The following RALYL variants were observed in gnomAD, a reference collection of about 807,000 sequenced individuals.
The protein encoded by RALYL is RALY RNA binding protein like.
In RALYL, 29 loss-of-function variants were observed where a neutral mutation model predicts 35.1. The ratio of observed to expected loss-of-function variants is 0.83; its 90% CI spans 0.61 to 1.13. The LOEUF (loss-of-function observed/expected upper bound fraction) is 1.13. Among genes scored for constraint, RALYL ranks in the 50% most tolerant of loss-of-function variants. The probability of loss-of-function intolerance (pLI) is 0.00; values close to 1 mark genes in which losing one functional copy is unlikely to be tolerated. For synonymous variants in RALYL, 120 were observed against 127.6 expected, an observed-to-expected ratio of 0.94 and a Z score of 0.40; for missense variants, 359 against 360.4, an observed-to-expected ratio of 1.00 and a Z score of 0.03.
At chr8:84,647,379 A>T (rs1827720765) in intron 2 of RALYL, among the ~76,000 whole-genome samples, 1 of 152,022 alleles carries the variant, frequency 6.6e-6, no homozygotes, top group Non-Finnish European at 1.5e-5. Context: ...AGTAAGATGA[A>T]AGGTCAGAGA....
intron 2 of RALYL, among the ~76,000 whole-genome samples, chr8:84,609,430 A>G (rs993894430): frequency 2.0e-5 from 3 of 152,188 alleles, no homozygotes; most frequent in Non-Finnish European, 4.4e-5. Flanking sequence ...AACTCAGTGC[A>G]TGAGAATTCC....
At chr8:84,806,673 G>A (rs1824692500) in intron 4 of RALYL, among the ~76,000 whole-genome samples, 1 of 152,088 alleles carries the variant, frequency 6.6e-6, no homozygotes, top group South Asian at 2.1e-4. Flanking sequence ...GGTGTGAAAG[G>A]CAACCCAAAT....
chr8:84,618,077 G>T (rs1267502853), intron 2 of RALYL, among the ~76,000 whole-genome samples: 7 of 151,034 alleles, frequency 4.6e-5, no homozygotes, highest in Non-Finnish European at 5.9e-5. Context: ...GTCTCTGCCC[G>T]GCTTTGGTAT....
chr8:84,818,089 G>A (rs1827764221), intron 4 of RALYL, among the ~76,000 whole-genome samples: 1 of 152,136 alleles, frequency 6.6e-6, no homozygotes, highest in South Asian at 2.1e-4. Flanking sequence ...AATCAGCACA[G>A]GAGTGACAGA....
chr8:84,585,007 T>A (rs1333424027), intron 2 of RALYL, among the ~76,000 whole-genome samples: 1 of 152,184 alleles, frequency 6.6e-6, no homozygotes, highest in African/African-American at 2.4e-5. Context: ...AATGCAACCC[T>A]TGTTTCTGCC....
chr8:84,600,747 A>C (rs905000903), intron 2 of RALYL, among the ~76,000 whole-genome samples: 2 of 152,094 alleles, frequency 1.3e-5, no homozygotes, highest in Non-Finnish European at 2.9e-5. Context: ...TTTTTCTTTA[A>C]ATACAAAGCC....
intron 4 of RALYL, among the ~76,000 whole-genome samples, chr8:84,844,833 C>G (rs1834257734): frequency 6.6e-6 from 1 of 152,118 alleles, no homozygotes; most frequent in African/African-American, 2.4e-5. Context: ...ATGGATGAAG[C>G]TGGAAACCAT....
chr8:84,523,171 C>T (rs917177318), intron 1 of RALYL, among the ~76,000 whole-genome samples: 9 of 151,992 alleles, frequency 5.9e-5, no homozygotes, highest in African/African-American at 1.7e-4. Context: ...TTAATGGACT[C>T]GCAGTTCCAC....
chr8:84,809,280 A>G (rs11777254), intron 4 of RALYL, among the ~76,000 whole-genome samples: 100,011 of 152,032 alleles, frequency 0.66, 34,036 homozygotes, highest in East Asian at 0.89. Flanking sequence ...GTGGTATATC[A>G]CATTTATTGA....
chr8:84,653,711 G>T (rs1310721075), intron 2 of RALYL, among the ~76,000 whole-genome samples: 1 of 147,690 alleles, frequency 6.8e-6, no homozygotes, highest in African/African-American at 2.6e-5. Flanking sequence ...CCATAAAACA[G>T]ACCTTCTAAC....
At chr8:84,630,195 G>A (rs749986010) in intron 2 of RALYL, among the ~76,000 whole-genome samples, 1 of 151,914 alleles carries the variant, frequency 6.6e-6, no homozygotes, top group Non-Finnish European at 1.5e-5. Flanking sequence ...TGAGTAGAAG[G>A]CTCTGAAAAT....
At chr8:84,716,704 T>C (rs1842989434) in intron 2 of RALYL, among the ~76,000 whole-genome samples, 1 of 152,206 alleles carries the variant, frequency 6.6e-6, no homozygotes, top group African/African-American at 2.4e-5. Flanking sequence ...GCTTATTCAC[T>C]ATCCAGACAG....
At chr8:84,390,721 C>G (rs1318336691) in intron 1 of RALYL, among the ~76,000 whole-genome samples, 2 of 151,854 alleles carry the variant, frequency 1.3e-5, no homozygotes, top group Middle Eastern at 3.4e-3. Context: ...GAAGGTGGTT[C>G]TTTTCACTGG....
At chr8:84,203,555 T>C (rs1398505298) in intron 1 of RALYL, among the ~76,000 whole-genome samples, 1 of 152,164 alleles carries the variant, frequency 6.6e-6, no homozygotes, top group Non-Finnish European at 1.5e-5. Flanking sequence ...TTTTACAGAA[T>C]AATTTCATGT....
chr8:84,581,876 A>G (rs1810922810), intron 2 of RALYL, among the ~76,000 whole-genome samples: 1 of 152,226 alleles, frequency 6.6e-6, no homozygotes, highest in South Asian at 2.1e-4. Context: ...AACCAAGAGG[A>G]GGAAGTAGTA....
chr8:84,499,796 C>G (rs2056470891), intron 1 of RALYL, among the ~76,000 whole-genome samples: 1 of 152,004 alleles, frequency 6.6e-6, no homozygotes, highest in African/African-American at 2.4e-5. Context: ...ACTCTCTTAC[C>G]AAGTCTGCAG....
intron 1 of RALYL, among the ~76,000 whole-genome samples, chr8:84,276,566 T>C (rs1835422541): frequency 1.3e-5 from 2 of 152,342 alleles, no homozygotes; most frequent in South Asian, 4.1e-4. Context: ...AGACATAAAG[T>C]ATACTTCTGG....
chr8:84,856,257 C>T (rs1407662696), intron 5 of RALYL, among the ~76,000 whole-genome samples: 1 of 152,094 alleles, frequency 6.6e-6, no homozygotes, highest in Non-Finnish European at 1.5e-5. Context: ...CCTTCCTGGG[C>T]AAAATGGCTT....
chr8:84,495,365 T>C (rs1319410118), intron 1 of RALYL, among the ~76,000 whole-genome samples: 1 of 152,036 alleles, frequency 6.6e-6, no homozygotes, highest in African/African-American at 2.4e-5. Flanking sequence ...GGGCGTAAAA[T>C]ACTTTGAGAC....
Sources: gnomAD v4.1 joint callset for allele counts (sites outside exome capture counted in the v4.1 genomes callset) on GRCh38, gnomAD v4.1.1 for gene constraint, MANE v1.5 for transcripts, NCBI Gene and HGNC (gene_info 2026-07-23, HGNC 2026-07-21) for gene names.